The following TSPAN15 variants were observed in gnomAD, a reference collection of about 807,000 sequenced individuals.
The protein encoded by TSPAN15 is tetraspanin-15.
Under a neutral mutation model 34.5 loss-of-function variants are expected in TSPAN15, and 20 were observed. That is an observed-to-expected ratio of 0.58 (90% CI 0.41 to 0.84). The LOEUF is 0.84. Ranked by LOEUF, TSPAN15 falls within the 40% of genes least tolerant of loss-of-function variation. The probability of loss-of-function intolerance (pLI) is 0.00; values close to 1 mark genes in which losing one functional copy is unlikely to be tolerated. For synonymous variants in TSPAN15, 155 were observed against 153.9 expected (o/e 1.01, Z -0.05); for missense variants, 313 against 386.1 (o/e 0.81, Z 1.59).
chr10:69,529,434 C>T, the TSPAN15 span, among the ~76,000 whole-genome samples: 2 of 146,116 alleles, frequency 1.4e-5, no homozygotes, highest in African/African-American at 2.5e-5. Context: ...AATTATATCT[C>T]AATTAAACTG....
At chr10:69,455,590 C>CTTTCTTTCTTTCTTTCTTTCTT in intron 1 of TSPAN15, among the ~76,000 whole-genome samples, 1 of 106,862 alleles carries the variant, frequency 9.4e-6, no homozygotes, top group Non-Finnish European at 2.0e-5. Flanking sequence ...TTCTTTCTTT[C>CTTTCTTTCTTTCTTTCTTTCTT]TCTTTCTTTC....
chr10:69,483,903 C>G, intron 2 of TSPAN15, 27 bp downstream of exon 2: 1 of 1,604,224 alleles, frequency 6.2e-7, no homozygotes, highest in East Asian at 2.2e-5. Flanking sequence ...ACCCCTCAGC[C>G]GGGACTCCCC....
the TSPAN15 span, among the ~76,000 whole-genome samples, chr10:69,545,850 G>A: frequency 2.0e-5 from 3 of 152,136 alleles, no homozygotes; most frequent in Admixed American, 1.3e-4. Context: ...CAGCTACTCG[G>A]GAGGCTGAGG....
chr10:69,489,198 C>G, intron 3 of TSPAN15, among the ~76,000 whole-genome samples: 1 of 152,266 alleles, frequency 6.6e-6, no homozygotes, highest in Admixed American at 6.5e-5. Context: ...CTTGCATGTC[C>G]GTTTATAGGC....
At chr10:69,529,729 G>C in the TSPAN15 span, among the ~76,000 whole-genome samples, 1 of 147,310 alleles carries the variant, frequency 6.8e-6, no homozygotes, top group African/African-American at 2.5e-5. Context: ...TTGGGGAACA[G>C]GTGGTTTTTG....
chr10:69,481,458 G>T (rs1841733975), intron 1 of TSPAN15, among the ~76,000 whole-genome samples: 1 of 152,242 alleles, frequency 6.6e-6, no homozygotes, highest in African/African-American at 2.4e-5. Flanking sequence ...AGCTCTGTCT[G>T]CTTATTTGAC....
intron 1 of TSPAN15, among the ~76,000 whole-genome samples, chr10:69,463,506 C>G (rs1841315277): frequency 6.6e-6 from 1 of 152,000 alleles, no homozygotes; most frequent in Admixed American, 6.5e-5. Context: ...GAGTCGTGGC[C>G]TCATCAAAAA....
intron 3 of TSPAN15, among the ~76,000 whole-genome samples, chr10:69,493,823 C>G (rs949742513): frequency 1.3e-5 from 2 of 151,624 alleles, no homozygotes; most frequent in Admixed American, 6.6e-5. Context: ...TCATATTGGT[C>G]AGGCTGGTCT....
intron 5 of TSPAN15, among the ~76,000 whole-genome samples, chr10:69,500,992 A>T (rs2133154412): frequency 6.6e-6 from 1 of 152,304 alleles, no homozygotes; most frequent in East Asian, 1.9e-4. Context: ...TGTATTTTGC[A>T]AGTAAGCCTA....
chr10:69,540,114 C>T, the TSPAN15 span, among the ~76,000 whole-genome samples: 1 of 152,044 alleles, frequency 6.6e-6, no homozygotes, highest in Non-Finnish European at 1.5e-5. Context: ...TGGTCTCGAA[C>T]TCCTGATCTC....
the TSPAN15 span, chr10:69,523,441 A>G: frequency 5.3e-6 from 3 of 561,844 alleles, no homozygotes; most frequent in Non-Finnish European, 9.9e-6. Context: ...AGAGGCTAGC[A>G]GTAACCTGGC....
Position 69,483,829 on chromosome 10 carries a change from A to C in TSPAN15, c.235A>C (p.Ile79Leu), listed in dbSNP as rs147282887. The change falls in exon 2 of 8, where the codon ATT becomes CTT. Residue 79 changes from isoleucine (I) to leucine (L), a missense_variant. Physicochemically the swap from Ile to Leu is conservative, Grantham distance 5. Transcript: ENST00000373290. The part of the protein sequence containing the change: ...LGVVMFMVSF[I>L]GVLASLRDNL... ...CGTCGTCATGTTCATGGTCTCCTTC[A>C]TTGGTGTGCTGGCGTCCCTCCGTGA... 1.9e-6 allele frequency: 3 copies of C among 1,613,882 alleles called. No homozygotes were observed. The African/African-American group carries it at 4.0e-5, about 22-fold the overall frequency.
At chr10:69,514,455 T>C in the TSPAN15 span, among the ~76,000 whole-genome samples, 5 of 152,344 alleles carry the variant, frequency 3.3e-5, no homozygotes, top group African/African-American at 1.2e-4. Context: ...AAAAGTTTGA[T>C]AAAATTCACT....
At chr10:69,549,200 T>C in the TSPAN15 span, among the ~76,000 whole-genome samples, 1 of 152,222 alleles carries the variant, frequency 6.6e-6, no homozygotes, top group African/African-American at 2.4e-5. Flanking sequence ...TAATCTGCCA[T>C]GTTGACTTCT....
rs186194563 is a variant in TSPAN15, at chr10:69,507,593, C to G, written c.*615C>G. 1 of 1,303,720 alleles carries G rather than the reference C, an allele frequency of 7.7e-7. No individual in the cohort carries two copies. Among genetic ancestry groups the G allele is most frequent in the Non-Finnish European group, 1.0e-6 (1 of 988,880 alleles). The allele number at this position is 1,303,720 out of a possible 1,614,324, so 80.8% of individuals were successfully genotyped here. ...TGACTAATCAAAGCTGGTATTTCCC[C>G]GCATGTCTTATTCTTGCCCTTCCCC... On this transcript the variant is annotated 3_prime_UTR_variant, in exon 8 of 8. Coordinates refer to ENST00000373290, the MANE Select transcript of TSPAN15 (RefSeq NM_012339.5).
At chr10:69,530,282 C>T in the TSPAN15 span, among the ~76,000 whole-genome samples, 1 of 147,806 alleles carries the variant, frequency 6.8e-6, no homozygotes, top group Non-Finnish European at 1.5e-5. Context: ...AAGCTGAGAA[C>T]TCTAGTCTAG....
chr10:69,462,661 G>T (rs1228529702), intron 1 of TSPAN15, among the ~76,000 whole-genome samples: 1 of 152,130 alleles, frequency 6.6e-6, no homozygotes, highest in African/African-American at 2.4e-5. Flanking sequence ...AACTTCCCTG[G>T]GTGATTCTAA....
chr10:69,544,005 T>C, the TSPAN15 span, among the ~76,000 whole-genome samples: 1 of 151,686 alleles, frequency 6.6e-6, no homozygotes, highest in East Asian at 2.0e-4. Context: ...GGGCTTTTAA[T>C]TGATTTCCAG....
intron 1 of TSPAN15, among the ~76,000 whole-genome samples, chr10:69,472,229 G>C (rs777843357): frequency 3.5e-4 from 53 of 152,230 alleles, no homozygotes; most frequent in Non-Finnish European, 6.5e-4. Context: ...CAGCTCTGCT[G>C]ACCTGACCTG....
Sources: gnomAD v4.1 joint callset for allele counts (sites outside exome capture counted in the v4.1 genomes callset) on GRCh38, gnomAD v4.1.1 for gene constraint, MANE v1.5 for transcripts, NCBI Gene and HGNC (gene_info 2026-07-23, HGNC 2026-07-21) for gene names.